ARHGAP42: variants seen among roughly 807,000 people sequenced by gnomAD.
ARHGAP42 encodes rho GTPase-activating protein 42.
In ARHGAP42, 63 loss-of-function variants were observed where a neutral mutation model predicts 125.0. That is an observed-to-expected ratio of 0.50 (90% CI 0.41 to 0.62). ARHGAP42 has a LOEUF of 0.62. ARHGAP42 is among the 20% of genes least tolerant of loss of function. The pLI is 0.00. For synonymous variants in ARHGAP42, 339 were observed against 351.0 expected (o/e 0.97, Z 0.38); for missense variants, 766 against 1,024.2 (o/e 0.75, Z 3.44).
chr11:100,964,567 T>C (rs557214144), intron 16 of ARHGAP42, among the ~76,000 whole-genome samples: 1 of 152,304 alleles, frequency 6.6e-6, no homozygotes, highest in South Asian at 2.1e-4. Context: ...GTCAAGGTAC[T>C]TTCTGGAGAA....
chr11:100,905,703 A>G (rs1403716590), intron 4 of ARHGAP42, among the ~76,000 whole-genome samples: 1 of 152,224 alleles, frequency 6.6e-6, no homozygotes, highest in East Asian at 1.9e-4. Flanking sequence ...TGGACCGGAC[A>G]CAGTGGCTCA....
At position 100,992,164 on chromosome 11, in the gene ARHGAP42, C is replaced by T; in HGVS notation, c.*3363C>T. 1 of 869,958 alleles carries T rather than the reference C, an allele frequency of 1.1e-6. No individual in the cohort carries two copies. The highest frequency in any genetic ancestry group is 1.9e-5 in the South Asian group (1 of 52,308). The allele number at this position is 869,958 out of a possible 1,614,324, so 53.9% of individuals were successfully genotyped here. On this transcript the variant is annotated 3_prime_UTR_variant, in exon 24 of 24. Coordinates refer to ENST00000298815, the MANE Select transcript of ARHGAP42 (RefSeq NM_152432.4). ...AAGCAATTTCAAATTGTAGTGATAC[C>T]TTAAATCATGTATTCAGGATGCCTT...
chr11:100,835,355 C>T (rs1864760271), intron 3 of ARHGAP42, among the ~76,000 whole-genome samples: 1 of 151,962 alleles, frequency 6.6e-6, no homozygotes, highest in Admixed American at 6.6e-5. Context: ...CTAATTTAAC[C>T]CTAAAGGTTT....
intron 3 of ARHGAP42, among the ~76,000 whole-genome samples, chr11:100,814,326 G>A (rs1396409306): frequency 8.3e-5 from 12 of 143,788 alleles, no homozygotes; most frequent in African/African-American, 3.1e-4. Context: ...TCACACCACT[G>A]CACTCCAACC....
intron 4 of ARHGAP42, among the ~76,000 whole-genome samples, chr11:100,862,757 G>T (rs1398912554): frequency 1.3e-5 from 2 of 152,140 alleles, no homozygotes; most frequent in Non-Finnish European, 2.9e-5. Context: ...TCGGCTGGGT[G>T]TGGTGGCTCA....
intron 12 of ARHGAP42, among the ~76,000 whole-genome samples, chr11:100,956,003 G>A (rs1487724447): frequency 6.6e-6 from 1 of 152,078 alleles, no homozygotes; most frequent in African/African-American, 2.4e-5. Context: ...GTCATTGGAA[G>A]ACAAACTATT....
At chr11:100,892,448 T>C (rs1866242166) in intron 4 of ARHGAP42, among the ~76,000 whole-genome samples, 1 of 152,150 alleles carries the variant, frequency 6.6e-6, no homozygotes, top group South Asian at 2.1e-4. Flanking sequence ...TGTGTTAGAC[T>C]AAGTCAGTTT....
At chr11:100,925,797 T>C (rs2135250298) in intron 6 of ARHGAP42, among the ~76,000 whole-genome samples, 2 of 152,310 alleles carry the variant, frequency 1.3e-5, no homozygotes, top group East Asian at 3.9e-4. Context: ...CTTGCATTTG[T>C]GGCTCATATT....
intron 3 of ARHGAP42, among the ~76,000 whole-genome samples, chr11:100,850,619 A>G (rs1865179425): frequency 6.6e-6 from 1 of 152,200 alleles, no homozygotes; most frequent in East Asian, 1.9e-4. Flanking sequence ...CTAACTATAC[A>G]AGATCTCTTT....
chr11:100,752,166 C>T (rs1056741618), intron 1 of ARHGAP42, among the ~76,000 whole-genome samples: 1 of 152,160 alleles, frequency 6.6e-6, no homozygotes, highest in Admixed American at 6.5e-5. Flanking sequence ...AAGCCTGAAC[C>T]TGGAGGGTGC....
chr11:100,922,847 G>A (rs1469747375), intron 6 of ARHGAP42, among the ~76,000 whole-genome samples: 1 of 152,094 alleles, frequency 6.6e-6, no homozygotes, highest in African/African-American at 2.4e-5. Context: ...TGTAAACTAG[G>A]CAGTAGGCAC....
At chr11:100,906,501 A>AT (rs1866741236) in intron 4 of ARHGAP42, among the ~76,000 whole-genome samples, 2 of 152,100 alleles carry the variant, frequency 1.3e-5, no homozygotes, top group African/African-American at 4.8e-5. Flanking sequence ...TTTTTTAAAC[A>AT]TTTTATGATG....
At chr11:100,757,253 T>G (rs1189449926) in intron 1 of ARHGAP42, among the ~76,000 whole-genome samples, 1 of 152,156 alleles carries the variant, frequency 6.6e-6, no homozygotes, top group Non-Finnish European at 1.5e-5. Flanking sequence ...CCATAGTTAT[T>G]TAAGGTGGTA....
At position 100,779,498 on chromosome 11, in the gene ARHGAP42, A is replaced by G. The variant is rs77373228; in HGVS notation, c.250+9060A>G. Among the ~76,000 whole-genome samples, 123 of 74,380 alleles carry G rather than the reference A, an allele frequency of 1.7e-3. 1 individual carries two copies. The highest frequency in any genetic ancestry group is 5.3e-3 in the African/African-American group (116 of 21,736). 48.8% of individuals were successfully genotyped at this position (74,380 alleles called of 152,430 possible). A position where few individuals can be genotyped will look rare whatever the true frequency, so the allele number is the denominator to read the frequency against. ...TATATATATATATACACACACACACATATATACACGTATATATATACGTAT... is the reference window on the plus strand; with the variant it reads ...TATATATATATATACACACACACACGTATATACACGTATATATATACGTAT... On this transcript the variant is annotated intron_variant, in intron 2 of 23. Coordinates refer to ENST00000298815, the MANE Select transcript of ARHGAP42 (RefSeq NM_152432.4).
intron 4 of ARHGAP42, among the ~76,000 whole-genome samples, chr11:100,868,612 GCA>G (rs1158936637): frequency 6.6e-6 from 1 of 151,576 alleles, no homozygotes; most frequent in African/African-American, 2.4e-5. Flanking sequence ...CACATTTGGT[GCA>G]CAGAAGATAT....
chr11:100,875,821 T>G (rs1865812499), intron 4 of ARHGAP42, among the ~76,000 whole-genome samples: 1 of 151,898 alleles, frequency 6.6e-6, no homozygotes, highest in Non-Finnish European at 1.5e-5. Context: ...AGAGGGTAAA[T>G]AAAGAGTAAC....
intron 1 of ARHGAP42, among the ~76,000 whole-genome samples, chr11:100,697,038 A>G (rs1177087582): frequency 6.6e-6 from 1 of 152,136 alleles, no homozygotes; most frequent in African/African-American, 2.4e-5. Context: ...TGCTGCCTGT[A>G]TATAACTTGC....
chr11:100,899,722 G>GTTTTTTTTT (rs767815247), intron 4 of ARHGAP42, among the ~76,000 whole-genome samples: 3 of 67,228 alleles, frequency 4.5e-5, no homozygotes, highest in Non-Finnish European at 5.7e-5. Flanking sequence ...TTTGTGTTTT[G>GTTTTTTTTT]TTTTTTTTTT....
intron 4 of ARHGAP42, among the ~76,000 whole-genome samples, chr11:100,898,309 T>C (rs962147835): frequency 6.6e-6 from 1 of 152,174 alleles, no homozygotes; most frequent in Non-Finnish European, 1.5e-5. Flanking sequence ...TCTCTTTTTT[T>C]GTTGTGTCTC....
Sources: allele counts gnomAD v4.1 joint callset (sites outside exome capture counted in the v4.1 genomes callset), GRCh38; gene constraint gnomAD v4.1.1; transcripts MANE v1.5; gene names NCBI Gene and HGNC (gene_info 2026-07-23, HGNC 2026-07-21).